The following ANPEP variants were observed in gnomAD, a reference collection of about 807,000 sequenced individuals.
The protein encoded by ANPEP is aminopeptidase N.
Under a neutral mutation model 114.6 loss-of-function variants are expected in ANPEP, and 70 were observed. The observed-to-expected ratio is 0.61, with a 90% CI of 0.50 to 0.75. The LOEUF (loss-of-function observed/expected upper bound fraction) is 0.75, where lower values mean the gene tolerates loss of function less well. ANPEP is among the 30% of genes least tolerant of loss of function. The pLI, the probability that ANPEP is intolerant of heterozygous loss-of-function variation, is 0.00. For missense variants in ANPEP, 1,184 were observed against 1,259.5 expected (o/e 0.94, Z 0.91); for synonymous variants, 548 against 522.3 (o/e 1.05, Z -0.67).
At chr15:89,787,628 A>G (rs1596158951) in intron 20 of ANPEP, among the ~76,000 whole-genome samples, 1 of 152,228 alleles carries the variant, frequency 6.6e-6, no homozygotes, top group South Asian at 2.1e-4. Context: ...TCTAATATTC[A>G]GAATATATAA....
In ANPEP at chr15:89,790,972, A is replaced by G. The variant is rs376323078; in HGVS notation, c.2650T>C (p.Trp884Arg). 2 of 1,614,012 alleles carry G rather than the reference A, an allele frequency of 1.2e-6. No individual in the cohort carries two copies. Among genetic ancestry groups the G allele is most frequent in the African/African-American group, 1.3e-5 (1 of 74,924 alleles). ...ACTCACTCGTTAAAAAGCTTCTTCCAGTTGCTCTGGACAAAGTCCCAGACC... is the reference window on the plus strand; with the variant it reads ...ACTCACTCGTTAAAAAGCTTCTTCCGGTTGCTCTGGACAAAGTCCCAGACC... ...GLVWDFVQSN[W>R]KKLFNDYGGG... Residue 884 changes from tryptophan (W) to arginine (R), a missense_variant, in exon 19 of 21, where the codon TGG becomes CGG. Trp to Arg is a moderately radical substitution (Grantham distance 101). Coordinates refer to ENST00000300060, the MANE Select transcript of ANPEP (RefSeq NM_001150.3).
chr15:89,785,604 A>G (rs1968494085), intron 20 of ANPEP, 103 bp from the exon 21 acceptor site: 1 of 1,507,258 alleles, frequency 6.6e-7, no homozygotes, highest in East Asian at 2.3e-5. Context: ...TAGAGTCCCC[A>G]TGGATGGGAC....
Position 89,792,287 on chromosome 15 carries a change from T to C in ANPEP, c.2401A>G (p.Ile801Val), listed in dbSNP as rs867698719. ...NLRSTVYCNAIAQGGEEEWDF... is the reference protein window; with the variant it reads ...NLRSTVYCNAVAQGGEEEWDF... The stretch of plus-strand genomic sequence containing the variant: ...CACTCCTCCTCCCCGCCCTGGGCGA[T>C]AGCGTTGCAGTAGACGGTGGACCGC... Residue 801 changes from isoleucine to valine, a missense_variant, in exon 18 of 21, where the codon ATC becomes GTC. By Grantham distance (29) the Ile-to-Val change is conservative. Coordinates refer to ENST00000300060, the MANE Select transcript of ANPEP (RefSeq NM_001150.3). 2.5e-6 allele frequency: 4 copies of C among 1,614,082 alleles called. No homozygotes were observed. In the African/African-American group the frequency reaches 4.0e-5, roughly 16 times the overall value.
chr15:89,797,673 T>C lies in ANPEP; in HGVS notation c.2059A>G (p.Ile687Val), dbSNP rs1968756506. The change falls in exon 15 of 21, where the codon ATT becomes GTT. Residue 687 changes from isoleucine (I) to valine (V), a missense_variant. By Grantham distance (29) the Ile-to-Val change is conservative (BLOSUM62 3). Coordinates refer to ENST00000300060, the MANE Select transcript of ANPEP (RefSeq NM_001150.3). Reference sequence around the variant, plus strand: ...CAGGGCATGTACTGTCTCTCTTCAATCAGGAAGAGGGTGTTGTTCAGCGCC... The same window carrying C: ...CAGGGCATGTACTGTCTCTCTTCAACCAGGAAGAGGGTGTTGTTCAGCGCC... ...TLALNNTLFL[I>V]EERQYMPWEA... is the part of the protein sequence containing the mutation. 1 of 1,614,098 alleles carries C rather than the reference T, an allele frequency of 6.2e-7. No individual in the cohort carries two copies. The highest frequency in any genetic ancestry group is 8.5e-7 in the Non-Finnish European group (1 of 1,180,020).
chr15:89,801,723 G>C (rs1596166942), intron 10 of ANPEP, 116 bp from the exon 11 acceptor site: 6 of 1,251,422 alleles, frequency 4.8e-6, no homozygotes, highest in African/African-American at 1.5e-5. Context: ...TGGGAGGCCT[G>C]GGAAGGGCAC....
Position 89,799,349 on chromosome 15 carries a change from T to C in ANPEP, c.1954-34A>G. On this transcript the variant is annotated intron_variant, in intron 13 of 20. Coordinates refer to ENST00000300060, the MANE Select transcript of ANPEP (RefSeq NM_001150.3). The surrounding 1 kb of genome is among the most constrained non-coding windows in gnomAD (Gnocchi z 4.2). ...CGAAGCACAGCATGTGACCATGGGTTGGCTGTGGGTGGCAGGCCTTGCAGT... is the reference window on the plus strand; with the variant it reads ...CGAAGCACAGCATGTGACCATGGGTCGGCTGTGGGTGGCAGGCCTTGCAGT... The C allele has an allele frequency of 6.2e-7, 1 of 1,614,180 alleles. No homozygotes were observed. The highest frequency in any genetic ancestry group is 1.6e-4 in the Middle Eastern group (1 of 6,062).
intron 1 of ANPEP, among the ~76,000 whole-genome samples, chr15:89,809,754 A>G (rs891057868): frequency 3.3e-5 from 5 of 152,126 alleles, no homozygotes; most frequent in African/African-American, 1.2e-4. Flanking sequence ...TCTCCCATTC[A>G]AACCTGGTGC....
Position 89,805,398 on chromosome 15 carries a change from G to C in ANPEP, c.680C>G (p.Pro227Arg), listed in dbSNP as rs774136852. 6.2e-7 allele frequency: 1 copy of C among 1,614,064 alleles called. No individual in the cohort carries two copies. The highest frequency in any genetic ancestry group is 1.7e-5 in the Admixed American group (1 of 59,990). Residue 227 changes from proline (P) to arginine (R), a missense_variant, in exon 3 of 21, where the codon CCG becomes CGG. Transcript: ENST00000300060. The part of the protein sequence containing the change: ...ARKSFPCFDE[P>R]AMKAEFNITL... ...GATGTTGAACTCGGCCTTCATGGCC[G>C]GCTCATCGAAGCATGGGAAGGACTT...
chr15:89,791,296 G>A (rs967150932), intron 18 of ANPEP, among the ~76,000 whole-genome samples: 1 of 152,210 alleles, frequency 6.6e-6, no homozygotes, highest in Non-Finnish European at 1.5e-5. Flanking sequence ...CACTGGCTAA[G>A]CTAGTGTCAT....
Position 89,792,309 on chromosome 15 carries a change from C to G in ANPEP, c.2379G>C (p.Arg793=). 2.5e-6 allele frequency: 4 copies of G among 1,614,186 alleles called. No individual in the cohort carries two copies. Among genetic ancestry groups the G allele is most frequent in the Non-Finnish European group, 3.4e-6 (4 of 1,180,022 alleles). ...PNNNPIHPNL[R]STVYCNAIAQ... The stretch of plus-strand genomic sequence containing the variant: ...CGATAGCGTTGCAGTAGACGGTGGA[C>G]CGCAGGTTGGGGTGGATCCTGGTGT... The change falls in exon 18 of 21, where the codon CGG becomes CGC. Residue 793 remains arginine (R), a synonymous_variant. Transcript: ENST00000300060.
intron 12 of ANPEP, among the ~76,000 whole-genome samples, chr15:89,800,708 T>C (rs148529474): frequency 1.3e-5 from 2 of 152,102 alleles, no homozygotes; most frequent in Admixed American, 6.5e-5. Flanking sequence ...ATTACAGGCA[T>C]GCACCACCAC....
rs776256222 is a variant in ANPEP at position 89,803,444 on chromosome 15, C to G, written c.1501G>C (p.Ala501Pro). The G allele has an allele frequency of 6.2e-7, 1 of 1,605,804 alleles. No homozygotes were observed. Among genetic ancestry groups the G allele is most frequent in the Non-Finnish European group, 8.5e-7 (1 of 1,176,194 alleles). The change falls in exon 9 of 21, where the codon GCG becomes CCG. Residue 501 changes from alanine (A) to proline (P), a missense_variant and splice_region_variant. Coordinates refer to ENST00000300060, the MANE Select transcript of ANPEP (RefSeq NM_001150.3). This position sits in a 1 kb window ranked among gnomAD's most constrained non-coding sequence, Gnocchi z 4.2. ...LSEDVFKQGL[A>P]SYLHTFAYQN... ...CTGGCCCAGGGTGCAGTACTCACCG[C>G]CAGGCCCTGCTTGAATACGTCCTCG...
chr15:89,799,542 T>C lies in ANPEP; in HGVS notation c.1837A>G (p.Ser613Gly), dbSNP rs772099201. Residue 613 changes from serine to glycine, a missense_variant, in exon 13 of 21, where the codon AGC (serine) becomes GGC (glycine). Ser to Gly is a moderately conservative substitution (Grantham distance 56). Transcript: ENST00000300060. The surrounding 1 kb of genome is among the most constrained non-coding windows in gnomAD (Gnocchi z 4.2). ...IDVRAQNDLF[S>G]TSGNEWVLLN... ...AGGACCCACTCATTGCCTGATGTGC[T>C]GAAGAGATCGTTCTGGGCTGTGGAG... 5 of 1,614,082 alleles carry C rather than the reference T, an allele frequency of 3.1e-6. No homozygotes were observed. Among genetic ancestry groups the C allele is most frequent in the Admixed American group, 3.3e-5 (2 of 60,012 alleles).
At chr15:89,800,688 A>G (rs1397259564) in intron 12 of ANPEP, among the ~76,000 whole-genome samples, 1 of 151,314 alleles carries the variant, frequency 6.6e-6, no homozygotes, top group African/African-American at 2.4e-5. Context: ...CAGCCTCCAG[A>G]GTAGCTGGGA....
At position 89,793,202 on chromosome 15, in the gene ANPEP, TG is replaced by T. The variant is rs554235146; in HGVS notation, c.2158-77del. 216 of 1,355,410 alleles carry T rather than the reference TG, an allele frequency of 1.6e-4. 2 individuals are homozygous for T. In the African/African-American group the frequency reaches 2.5e-3, roughly 16 times the overall value. The allele number at this position is 1,355,410 out of a possible 1,614,324, so 84.0% of individuals were successfully genotyped here. ...TGGAGCCCCACAGAGCCTCTGATGT[TG>T]GGGGGCAGGCGCTGGCAGAGACGTC... On this transcript the variant is annotated intron_variant, in intron 15 of 20. Transcript: ENST00000300060.
intron 10 of ANPEP, among the ~76,000 whole-genome samples, chr15:89,801,979 G>A (rs555356936): frequency 1.3e-5 from 2 of 152,288 alleles, no homozygotes; most frequent in African/African-American, 4.8e-5. Flanking sequence ...TCACAGGCAG[G>A]GGTGGGGGAC....
chr15:89,788,612 G>T (rs1395363509), intron 20 of ANPEP, among the ~76,000 whole-genome samples: 3 of 151,882 alleles, frequency 2.0e-5, no homozygotes, highest in East Asian at 1.9e-4. Flanking sequence ...TTTGGTTTTG[G>T]TTTTTTGAGA....
intron 1 of ANPEP, among the ~76,000 whole-genome samples, chr15:89,808,405 T>C (rs1379466306): frequency 1.3e-5 from 2 of 152,238 alleles, no homozygotes; most frequent in African/African-American, 2.4e-5. Context: ...TGGTGATAAC[T>C]TGAGTCCTGG....
chr15:89,791,050 C>T lies in ANPEP; in HGVS notation c.2572G>A (p.Asp858Asn). ...TLNPDLIRKQ[D>N]ATSTIISITN... ...ATGCTGATGATGGTAGAGGTGGCGT[C>T]CTGCTTCCGGATTAAGTCCGGGTTC... Residue 858 changes from aspartate to asparagine, a missense_variant, in exon 19 of 21, where the codon GAC becomes AAC. Physicochemically the swap from Asp to Asn is conservative, Grantham distance 23. Transcript: ENST00000300060. The T allele has an allele frequency of 6.2e-7, 1 of 1,614,230 alleles. No homozygotes were observed.
Sources: gnomAD v4.1 joint callset for allele counts (sites outside exome capture counted in the v4.1 genomes callset) on GRCh38, gnomAD v4.1.1 for gene constraint, Gnocchi (gnomAD v3.1) non-coding constraint, MANE v1.5 for transcripts, NCBI Gene and HGNC (gene_info 2026-07-23, HGNC 2026-07-21) for gene names.